Variants in PAQR8 observed in about 807,000 individuals in gnomAD.
PAQR8 encodes the protein membrane progestin receptor beta.
Under a neutral mutation model 25.2 loss-of-function variants are expected in PAQR8, and 17 were observed. The ratio of observed to expected loss-of-function variants is 0.67; its 90% CI spans 0.46 to 1.01. The LOEUF (loss-of-function observed/expected upper bound fraction) is 1.01. PAQR8 is among the 50% of genes least tolerant of loss of function. The pLI is 0.00. For synonymous variants in PAQR8, 204 were observed against 190.6 expected, an observed-to-expected ratio of 1.07 and a Z score of -0.58; for missense variants, 392 against 448.4, an observed-to-expected ratio of 0.87 and a Z score of 1.14.
chr6:52,371,218 G>A (rs1244486549), intron 1 of PAQR8, among the ~76,000 whole-genome samples: 1 of 152,088 alleles, frequency 6.6e-6, no homozygotes, highest in Non-Finnish European at 1.5e-5. Context: ...AGATTAGCTC[G>A]CTTTTAGCTT....
chr6:52,364,083 GTTTTTT>G (rs67846872), intron 1 of PAQR8, among the ~76,000 whole-genome samples: 4 of 84,268 alleles, frequency 4.7e-5, no homozygotes, highest in Admixed American at 1.8e-4. Context: ...TGAAAGATAT[GTTTTTT>G]TTTTTTTTTT....
chr6:52,390,636 T>C (rs2113946245), intron 1 of PAQR8, among the ~76,000 whole-genome samples: 1 of 152,334 alleles, frequency 6.6e-6, no homozygotes, highest in Non-Finnish European at 1.5e-5. Flanking sequence ...GGAAGGTCTT[T>C]TGACAATATT....
chr6:52,402,629 A>G (rs1459377925), intron 1 of PAQR8, among the ~76,000 whole-genome samples: 1 of 149,692 alleles, frequency 6.7e-6, no homozygotes, highest in Non-Finnish European at 1.5e-5. Flanking sequence ...AAAAAAAAAA[A>G]AAAAAAGAAA....
Position 52,406,006 on chromosome 6 carries a change from A to G in PAQR8, c.*1728A>G, listed in dbSNP as rs1169159526. On this transcript the variant is annotated 3_prime_UTR_variant, in exon 2 of 2. Coordinates refer to ENST00000442253, the MANE Select transcript of PAQR8 (RefSeq NM_133367.5). ...CCAATAATCTTTATATCAAGAAAGC[A>G]TGCGTCTTGTCAGCTACATTGTTTT... 6.0e-6 allele frequency: 1 copy of G among 167,090 alleles called. No individual in the cohort carries two copies. Among genetic ancestry groups the G allele is most frequent in the Non-Finnish European group, 1.5e-5 (1 of 68,264 alleles). The allele number at this position is 167,090 out of a possible 1,614,324, so 10.4% of individuals were successfully genotyped here. A position where few individuals can be genotyped will look rare whatever the true frequency, so the allele number is the denominator to read the frequency against.
In PAQR8 at chr6:52,379,619, C is replaced by CTTTTTTTTTTTTTTTTTT. The variant is rs909812638; in HGVS notation, c.-53+17378_-53+17395dup. ...GGTGCGTACCGCCACACCCAGCTTT[C>CTTTTTTTTTTTTTTTTTT]TTTTTTTTTTTTTTTTTTTTTTTTT... On this transcript the variant is annotated intron_variant, in intron 1 of 1. Coordinates refer to ENST00000442253, the MANE Select transcript of PAQR8 (RefSeq NM_133367.5). Among the ~76,000 whole-genome samples the CTTTTTTTTTTTTTTTTTT allele has an allele frequency of 1.0e-3, 77 of 77,220 alleles. 7 individuals are homozygous for CTTTTTTTTTTTTTTTTTT. Among genetic ancestry groups the CTTTTTTTTTTTTTTTTTT allele is most frequent in the Non-Finnish European group, 1.7e-3 (67 of 39,764 alleles). The allele number at this position is 77,220 out of a possible 152,430, so 50.7% of individuals were successfully genotyped here. A position where few individuals can be genotyped will look rare whatever the true frequency, so the allele number is the denominator to read the frequency against.
Position 52,364,084 on chromosome 6 carries a change from T to TTTTTTTTTTG in PAQR8, c.-53+1844_-53+1845insGTTTTTTTTT, listed in dbSNP as rs1491546121. Among the ~76,000 whole-genome samples, 8 of 26,164 alleles carry TTTTTTTTTTG rather than the reference T, an allele frequency of 3.1e-4. 1 individual carries two copies. The highest frequency in any genetic ancestry group is 3.3e-4 in the Non-Finnish European group (4 of 12,150). The allele number at this position is 26,164 out of a possible 152,430, so 17.2% of individuals were successfully genotyped here. On this transcript the variant is annotated intron_variant, in intron 1 of 1. Transcript: ENST00000442253. The stretch of plus-strand genomic sequence containing the variant: ...GTGGATATATCCATTGAAAGATATG[T>TTTTTTTTTTG]TTTTTTTTTTTTTTTTTTTGCGGGT...
At chr6:52,403,113 G>T (rs1763855435) in intron 1 of PAQR8, 49 bp from the exon 2 acceptor site, 3 of 938,322 alleles carry the variant, frequency 3.2e-6, no homozygotes, top group Non-Finnish European at 4.7e-6. Flanking sequence ...CGTCTTAGCT[G>T]CATTCGTGTC....
intron 1 of PAQR8, among the ~76,000 whole-genome samples, chr6:52,369,497 T>C (rs1763392098): frequency 6.6e-6 from 1 of 152,186 alleles, no homozygotes; most frequent in Non-Finnish European, 1.5e-5. Flanking sequence ...GCCCTGTCCT[T>C]AACACCTGCT....
In PAQR8 at chr6:52,379,628, T is replaced by TTC. The variant is rs1554255675; in HGVS notation, c.-53+17380_-53+17381insCT. Among the ~76,000 whole-genome samples, 186 of 126,318 alleles carry TTC rather than the reference T, an allele frequency of 1.5e-3. 1 individual carries two copies. The highest frequency in any genetic ancestry group is 5.5e-3 in the African/African-American group (182 of 33,378). The allele number at this position is 126,318 out of a possible 152,430, so 82.9% of individuals were successfully genotyped here. A position where few individuals can be genotyped will look rare whatever the true frequency, so the allele number is the denominator to read the frequency against. ...CGCCACACCCAGCTTTCTTTTTTTTTTTTTTTTTTTTTTTTTGAGATGGAG... is the reference window on the plus strand; with the variant it reads ...CGCCACACCCAGCTTTCTTTTTTTTTTCTTTTTTTTTTTTTTTTGAGATGGAG... On this transcript the variant is annotated intron_variant, in intron 1 of 1. Transcript: ENST00000442253.
chr6:52,367,848 G>A (rs1423453086), intron 1 of PAQR8, among the ~76,000 whole-genome samples: 1 of 152,202 alleles, frequency 6.6e-6, no homozygotes, highest in Non-Finnish European at 1.5e-5. Context: ...GCTTCTGAAG[G>A]CTCTTCTCAG....
At position 52,374,730 on chromosome 6, in the gene PAQR8, C is replaced by T. The variant is rs144580847; in HGVS notation, c.-53+12481C>T. ...GATTCCTAAACCTCTGTTTCCTTTT[C>T]TTCCCCCTTACCTGTCCTGTCCCAT... On this transcript the variant is annotated intron_variant, in intron 1 of 1. Transcript: ENST00000442253. Among the ~76,000 whole-genome samples the T allele has an allele frequency of 3.3e-5, 5 of 152,186 alleles. No individual in the cohort carries two copies. The East Asian group carries it at 7.7e-4, about 24-fold the overall frequency.
Position 52,405,709 on chromosome 6 carries a change from G to T in PAQR8, c.*1431G>T, listed in dbSNP as rs1457415257. 6.0e-6 allele frequency: 1 copy of T among 166,998 alleles called. No individual in the cohort carries two copies. Among genetic ancestry groups the T allele is most frequent in the Admixed American group, 6.6e-5 (1 of 15,256 alleles). The allele number at this position is 166,998 out of a possible 1,614,324, so 10.3% of individuals were successfully genotyped here. A position where few individuals can be genotyped will look rare whatever the true frequency, so the allele number is the denominator to read the frequency against. On this transcript the variant is annotated 3_prime_UTR_variant, in exon 2 of 2. Coordinates refer to ENST00000442253, the MANE Select transcript of PAQR8 (RefSeq NM_133367.5). ...GGACATGATTTAACTCCAGTTTGATGAACCTCCTCCGAGTTTACTTTATTG... is the reference window on the plus strand; with the variant it reads ...GGACATGATTTAACTCCAGTTTGATTAACCTCCTCCGAGTTTACTTTATTG...
At chr6:52,368,145 C>T (rs1035549010) in intron 1 of PAQR8, among the ~76,000 whole-genome samples, 3 of 152,154 alleles carry the variant, frequency 2.0e-5, no homozygotes, top group East Asian at 1.9e-4. Flanking sequence ...CACACACACA[C>T]GAGCCACATG....
At chr6:52,401,593 A>G (rs1277761122) in intron 1 of PAQR8, among the ~76,000 whole-genome samples, 1 of 152,236 alleles carries the variant, frequency 6.6e-6, no homozygotes, top group Non-Finnish European at 1.5e-5. Flanking sequence ...TTTTCAGAGC[A>G]TAATTTAAAA....
At chr6:52,373,796 G>A (rs1489391591) in intron 1 of PAQR8, among the ~76,000 whole-genome samples, 1 of 151,650 alleles carries the variant, frequency 6.6e-6, no homozygotes, top group Non-Finnish European at 1.5e-5. Context: ...TAAGAACAGA[G>A]CAGACAGCAA....
intron 1 of PAQR8, among the ~76,000 whole-genome samples, chr6:52,376,137 T>C (rs1172755976): frequency 2.6e-5 from 4 of 152,212 alleles, no homozygotes; most frequent in Non-Finnish European, 5.9e-5. Flanking sequence ...TTTGAAGAAA[T>C]TTGGAGAGTA....
In PAQR8 at chr6:52,396,494, G is replaced by T. The variant is rs550989551; in HGVS notation, c.-52-6668G>T. Among the ~76,000 whole-genome samples, 229 of 152,306 alleles carry T rather than the reference G, an allele frequency of 1.5e-3. 1 individual carries two copies. The highest frequency in any genetic ancestry group is 5.4e-3 in the African/African-American group (224 of 41,560). On this transcript the variant is annotated intron_variant, in intron 1 of 1. Coordinates refer to ENST00000442253, the MANE Select transcript of PAQR8 (RefSeq NM_133367.5). Reference sequence around the variant, plus strand: ...ATAATTAGGGCTTAGAATTTGTATTGTAAACAAACAATGGTGAGCTGTTGA... The same window carrying T: ...ATAATTAGGGCTTAGAATTTGTATTTTAAACAAACAATGGTGAGCTGTTGA...
intron 1 of PAQR8, chr6:52,373,727 C>T (rs549184913): frequency 6.7e-6 from 1 of 150,226 alleles, no homozygotes; most frequent in East Asian, 2.0e-4. Context: ...AAGCTGGCTA[C>T]AAAAGGATCT....
At chr6:52,400,542 C>A (rs181437807) in intron 1 of PAQR8, among the ~76,000 whole-genome samples, 1 of 152,334 alleles carries the variant, frequency 6.6e-6, no homozygotes, top group East Asian at 1.9e-4. Context: ...TAACTGCAAA[C>A]TACAATGACT....
Sources: allele counts gnomAD v4.1 joint callset (sites outside exome capture counted in the v4.1 genomes callset), GRCh38; gene constraint gnomAD v4.1.1; transcripts MANE v1.5; gene names NCBI Gene and HGNC (gene_info 2026-07-23, HGNC 2026-07-21).